Variants in SHANK2 observed in about 807,000 individuals in gnomAD.
The protein encoded by SHANK2 is SH3 and multiple ankyrin repeat domains 2.
A neutral mutation model predicts 133.7 loss-of-function variants in SHANK2; 43 were observed. That is an observed-to-expected ratio of 0.32 (90% CI 0.25 to 0.41). SHANK2 has a LOEUF of 0.41. SHANK2 is among the 10% of genes least tolerant of loss of function. The probability of loss-of-function intolerance (pLI) is 1.00; values close to 1 mark genes in which losing one functional copy is unlikely to be tolerated. For synonymous variants in SHANK2, 1,017 were observed against 952.8 expected (o/e 1.07, Z -1.24); for missense variants, 1,994 against 2,235.8 (o/e 0.89, Z 2.18).
At chr11:70,647,822 C>T (rs1274435849) in intron 17 of SHANK2, among the ~76,000 whole-genome samples, 1 of 152,212 alleles carries the variant, frequency 6.6e-6, no homozygotes, top group Non-Finnish European at 1.5e-5. Flanking sequence ...ACTCACTGAA[C>T]ACCCGCCCAT....
intron 17 of SHANK2, among the ~76,000 whole-genome samples, chr11:70,657,764 A>G (rs572285493): frequency 2.9e-4 from 44 of 152,230 alleles, no homozygotes; most frequent in Non-Finnish European, 5.4e-4. Context: ...TGGCAAATCT[A>G]TTTGCATACC....
intron 11 of SHANK2, among the ~76,000 whole-genome samples, chr11:70,846,299 G>A (rs1237209228): frequency 2.0e-5 from 3 of 151,968 alleles, no homozygotes; most frequent in Admixed American, 6.6e-5. Context: ...GGTCTCGCTC[G>A]GTCGCTCAGG....
chr11:71,155,327 A>T (rs1206574039), intron 2 of SHANK2, among the ~76,000 whole-genome samples: 8 of 106,998 alleles, frequency 7.5e-5, no homozygotes, highest in Non-Finnish European at 1.5e-4. Flanking sequence ...GGGTGGACCT[A>T]CCCCAGCCCA....
intron 2 of SHANK2, among the ~76,000 whole-genome samples, chr11:71,207,526 A>G (rs1288290476): frequency 6.6e-6 from 1 of 152,178 alleles, no homozygotes; most frequent in Admixed American, 6.5e-5. Context: ...CAAGCCTCCT[A>G]CATTAGGTTT....
At chr11:70,475,950 G>A (rs972396105) in intron 25 of SHANK2, among the ~76,000 whole-genome samples, 4 of 152,164 alleles carry the variant, frequency 2.6e-5, no homozygotes, top group Non-Finnish European at 4.4e-5. Context: ...GGCTGCACAC[G>A]GTGGCTCACG....
intron 1 of SHANK2, among the ~76,000 whole-genome samples, chr11:71,235,466 C>T (rs550112063): frequency 3.9e-5 from 6 of 152,064 alleles, no homozygotes; most frequent in South Asian, 2.1e-4. Flanking sequence ...TGGTGACATG[C>T]ACCTGTAATC....
intron 11 of SHANK2, among the ~76,000 whole-genome samples, chr11:70,871,066 C>T (rs568814448): frequency 6.6e-6 from 1 of 152,372 alleles, no homozygotes; most frequent in East Asian, 1.9e-4. Flanking sequence ...GCATGAGCCA[C>T]TGCACCCGGT....
chr11:70,507,578 T>C (rs2059151631), intron 17 of SHANK2, among the ~76,000 whole-genome samples: 1 of 152,080 alleles, frequency 6.6e-6, no homozygotes. Flanking sequence ...GGGAATGTCA[T>C]GTGGGCGCTG....
Position 70,660,091 on chromosome 11 carries a change from C to A in SHANK2, c.1937-139G>T. On this transcript the variant is annotated intron_variant, in intron 16 of 25. Coordinates refer to ENST00000601538, the MANE Select transcript of SHANK2 (RefSeq NM_012309.5). ...AGGTGGCTAGTCCAGGCCAACTCTCCCCCAGGAAGGGCTTGAGATTCATAC... is the reference window on the plus strand; with the variant it reads ...AGGTGGCTAGTCCAGGCCAACTCTCACCCAGGAAGGGCTTGAGATTCATAC... 4 of 1,044,592 alleles carry A rather than the reference C, an allele frequency of 3.8e-6. No homozygotes were observed. The South Asian group carries it at 5.5e-5, about 14-fold the overall frequency. 64.7% of individuals were successfully genotyped at this position (1,044,592 alleles called of 1,614,324 possible). A position where few individuals can be genotyped will look rare whatever the true frequency, so the allele number is the denominator to read the frequency against.
At chr11:70,813,119 C>T (rs782034374) in intron 12 of SHANK2, among the ~76,000 whole-genome samples, 1 of 152,132 alleles carries the variant, frequency 6.6e-6, no homozygotes, top group Non-Finnish European at 1.5e-5. Flanking sequence ...GACACGGATG[C>T]AGGCCTCAGG....
At chr11:70,542,823 G>A (rs781632139) in intron 17 of SHANK2, among the ~76,000 whole-genome samples, 26 of 152,270 alleles carry the variant, frequency 1.7e-4, no homozygotes, top group East Asian at 1.9e-4. Flanking sequence ...CCTAACTCCC[G>A]GGCACCATAG....
rs1016349405 is a variant in SHANK2, at chr11:71,220,016, G to C, written c.-13+4681C>G. Among the ~76,000 whole-genome samples, 109 of 152,108 alleles carry C rather than the reference G, an allele frequency of 7.2e-4. 1 individual carries two copies. Among genetic ancestry groups the C allele is most frequent in the African/African-American group, 2.3e-3 (97 of 41,498 alleles). On this transcript the variant is annotated intron_variant, in intron 2 of 25. Transcript: ENST00000601538. ...AGGTGGGTCAATTGCTTGAGCTCAG[G>C]AGTTCAAGACCAGCCTGGACAACAT... is the stretch of plus-strand genomic sequence containing the variant.
Position 71,201,045 on chromosome 11 carries a change from C to G in SHANK2, c.-13+23652G>C, listed in dbSNP as rs142720526. Among the ~76,000 whole-genome samples, 253 of 152,250 alleles carry G rather than the reference C, an allele frequency of 1.7e-3. 1 individual carries two copies. The highest frequency in any genetic ancestry group is 5.9e-3 in the African/African-American group (246 of 41,540). ...CAACATAAAGCCCCCACACCGACCT[C>G]CCCCGAGCCATCAAAGAGACAGACA... is the stretch of plus-strand genomic sequence containing the variant. On this transcript the variant is annotated intron_variant, in intron 2 of 25. Coordinates refer to ENST00000601538, the MANE Select transcript of SHANK2 (RefSeq NM_012309.5).
intron 11 of SHANK2, among the ~76,000 whole-genome samples, chr11:70,846,424 C>T (rs113477357): frequency 1.9e-4 from 29 of 152,134 alleles, no homozygotes; most frequent in Admixed American, 2.6e-4. Context: ...CCACCATGCC[C>T]GGCTAATTTT....
At chr11:71,083,465 A>G (rs1951328405) in intron 8 of SHANK2, among the ~76,000 whole-genome samples, 1 of 152,202 alleles carries the variant, frequency 6.6e-6, no homozygotes, top group African/African-American at 2.4e-5. Flanking sequence ...AGAGATTAGC[A>G]CACAAGCTCA....
At chr11:71,101,053 T>C (rs1489341068) in intron 6 of SHANK2, among the ~76,000 whole-genome samples, 1 of 149,796 alleles carries the variant, frequency 6.7e-6, no homozygotes, top group African/African-American at 2.6e-5. Context: ...ACCCATAACA[T>C]GAGCAGACCC....
rs544952335 is a variant in SHANK2 at position 70,795,838 on chromosome 11, C to T, written c.1777+2605G>A. ...GGAAGGGGCCATGAGCCAAGGATGT[C>T]GGAAAGGCAAGGAAACAAATTCTCC... On this transcript the variant is annotated intron_variant, in intron 14 of 25. Transcript: ENST00000601538. Among the ~76,000 whole-genome samples the T allele has an allele frequency of 3.1e-3, 478 of 152,236 alleles. 1 individual carries two copies. The highest frequency in any genetic ancestry group is 5.7e-3 in the Non-Finnish European group (387 of 68,024).
At chr11:70,781,769 T>C (rs1164479538) in intron 14 of SHANK2, among the ~76,000 whole-genome samples, 12 of 102,368 alleles carry the variant, frequency 1.2e-4, no homozygotes, top group Admixed American at 4.3e-4. Context: ...AGTGTGATGT[T>C]CCAAAGGAAT....
At chr11:71,164,463 T>G (rs1200913156) in intron 2 of SHANK2, among the ~76,000 whole-genome samples, 2 of 152,042 alleles carry the variant, frequency 1.3e-5, no homozygotes, top group African/African-American at 4.8e-5. Flanking sequence ...GGCCCCAGTG[T>G]CCCCAGTGAG....
Sources: gnomAD v4.1 joint callset for allele counts (sites outside exome capture counted in the v4.1 genomes callset) on GRCh38, gnomAD v4.1.1 for gene constraint, MANE v1.5 for transcripts, NCBI Gene and HGNC (gene_info 2026-07-23, HGNC 2026-07-21) for gene names.